ENPP1: variants seen among roughly 807,000 people sequenced by gnomAD.
The protein encoded by ENPP1 is ectonucleotide pyrophosphatase/phosphodiesterase family member 1.
In ENPP1, 73 loss-of-function variants were observed where a neutral mutation model predicts 122.8. The observed-to-expected ratio is 0.59, with a 90% confidence interval of 0.49 to 0.72. The LOEUF (loss-of-function observed/expected upper bound fraction) is 0.72. ENPP1 is among the 30% of genes least tolerant of loss of function. The pLI is 0.00. For missense variants in ENPP1, 978 were observed against 1,128.1 expected (o/e 0.87, Z 1.91); for synonymous variants, 367 against 391.6 (o/e 0.94, Z 0.74).
At chr6:131,864,352 A>G (rs1782061041) in intron 9 of ENPP1, among the ~76,000 whole-genome samples, 154 bp from the exon 10 acceptor site, 1 of 152,220 alleles carries the variant, frequency 6.6e-6, no homozygotes, top group African/African-American at 2.4e-5. Context: ...TTTCATTGGG[A>G]AAATAAAGTT....
chr6:131,832,776 C>T (rs1005489937), intron 1 of ENPP1, among the ~76,000 whole-genome samples: 5 of 152,132 alleles, frequency 3.3e-5, no homozygotes, highest in Admixed American at 3.3e-4. Flanking sequence ...TAGGGCCTCC[C>T]CATGTGGTCT....
At chr6:131,811,095 G>A (rs1176391938) in intron 1 of ENPP1, among the ~76,000 whole-genome samples, 1 of 151,946 alleles carries the variant, frequency 6.6e-6, no homozygotes, top group Admixed American at 6.6e-5. Context: ...GACTTCCACC[G>A]AGATGTGTTG....
At chr6:131,877,189 G>A (rs755930022) in intron 18 of ENPP1, 28 bp downstream of exon 18, 3 of 1,607,408 alleles carry the variant, frequency 1.9e-6, no homozygotes, top group South Asian at 1.1e-5. Flanking sequence ...GTTTGGTCCA[G>A]TATGTATGGT....
chr6:131,868,774 G>C (rs1024722381), intron 12 of ENPP1, among the ~76,000 whole-genome samples: 1 of 152,176 alleles, frequency 6.6e-6, no homozygotes, highest in East Asian at 1.9e-4. Flanking sequence ...TCTGACTTTA[G>C]AAGCATGATA....
chr6:131,877,639 TA>T (rs1782247349), intron 18 of ENPP1: 1 of 154,110 alleles, frequency 6.5e-6, no homozygotes, highest in African/African-American at 2.4e-5. Context: ...ACTTCCATGT[TA>T]ATATGTCATT....
intron 9 of ENPP1, 83 bp from the exon 10 acceptor site, chr6:131,864,423 A>C: frequency 1.1e-6 from 1 of 883,082 alleles, no homozygotes; most frequent in Non-Finnish European, 1.9e-6. Flanking sequence ...GTAGCTCTTA[A>C]TGACATTTTC....
chr6:131,886,505 T>A (rs1782378961), intron 23 of ENPP1, 57 bp from the exon 24 acceptor site: 1 of 1,285,156 alleles, frequency 7.8e-7, no homozygotes, highest in Non-Finnish European at 1.1e-6. Flanking sequence ...ACTGAAATAT[T>A]CATCAAAAGG....
In ENPP1 at chr6:131,893,940, T is replaced by C. The variant is rs2114740993; in HGVS notation, c.*3429T>C. 1 of 147,682 alleles carries C rather than the reference T, an allele frequency of 6.8e-6. No homozygotes were observed. Among genetic ancestry groups the C allele is most frequent in the South Asian group, 2.1e-4 (1 of 4,708 alleles). 9.1% of individuals were successfully genotyped at this position (147,682 alleles called of 1,614,324 possible). A position where few individuals can be genotyped will look rare whatever the true frequency, so the allele number is the denominator to read the frequency against. ...AAATGCAAAGTGAAACCTTTATTTA[T>C]CTTGATTTCTTTTTTTTTTTTTTTT... On this transcript the variant is annotated 3_prime_UTR_variant, in exon 25 of 25. Coordinates refer to ENST00000647893, the MANE Select transcript of ENPP1 (RefSeq NM_006208.3).
At chr6:131,840,358 A>G (rs1159439469) in intron 1 of ENPP1, among the ~76,000 whole-genome samples, 4 of 152,208 alleles carry the variant, frequency 2.6e-5, no homozygotes, top group Non-Finnish European at 2.9e-5. Context: ...CTAAAACAAA[A>G]AAAGGAAAAA....
intron 6 of ENPP1, among the ~76,000 whole-genome samples, chr6:131,855,653 A>G (rs1781936252): frequency 6.6e-6 from 1 of 152,188 alleles, no homozygotes; most frequent in Admixed American, 6.5e-5. Context: ...TATTTCAGAA[A>G]TAGAATTTCA....
chr6:131,808,287 G>A lies in ENPP1; in HGVS notation c.240+12G>A. 1 of 1,487,902 alleles carries A rather than the reference G, an allele frequency of 6.7e-7. No individual in the cohort carries two copies. The highest frequency in any genetic ancestry group is 2.2e-5 in the Admixed American group (1 of 45,646). 92.2% of individuals were successfully genotyped at this position (1,487,902 alleles called of 1,614,324 possible). On this transcript the variant is annotated intron_variant, in intron 1 of 24. Transcript: ENST00000647893. The stretch of plus-strand genomic sequence containing the variant: ...AAGTACTCTCGCTGGTAGGTCCGCG[G>A]CCAGGCCCCGGCGCCCGGGAGGGCT...
rs1782007239 is a variant in ENPP1 at position 131,860,466 on chromosome 6, G to A, written c.875G>A (p.Ser292Asn). The part of the protein sequence containing the change: ...PKMNASFSLK[S>N]KEKFNPEWYK... The stretch of plus-strand genomic sequence containing the variant: ...ATGAATGCTTCCTTTTCACTTAAAA[G>A]TAAAGAGAAATTTAATCCTGAGTGG... Residue 292 changes from serine (S) to asparagine (N), a missense_variant, in exon 8 of 25, where the codon AGT (serine) becomes AAT (asparagine). Around this residue, in one of 3 missense-constraint regions of ENPP1, gnomAD observed 644 missense variants for 781.5 expected, o/e 0.82. Coordinates refer to ENST00000647893, the MANE Select transcript of ENPP1 (RefSeq NM_006208.3). 1 of 1,599,572 alleles carries A rather than the reference G, an allele frequency of 6.3e-7. No individual in the cohort carries two copies. The highest frequency in any genetic ancestry group is 8.6e-7 in the Non-Finnish European group (1 of 1,167,526).
At chr6:131,868,238 GTTTC>G in intron 12 of ENPP1, 112 bp downstream of exon 12, 1 of 762,780 alleles carries the variant, frequency 1.3e-6, no homozygotes, top group Non-Finnish European at 2.3e-6. Context: ...TAAAAATGTA[GTTTC>G]TTATGGACAG....
Position 131,864,728 on chromosome 6 carries a change from A to C in ENPP1, c.1092-138A>C, listed in dbSNP as rs189903970. 4 of 809,120 alleles carry C rather than the reference A, an allele frequency of 4.9e-6. No individual in the cohort carries two copies. In the African/African-American group the frequency reaches 6.8e-5, roughly 14 times the overall value. The allele number at this position is 809,120 out of a possible 1,614,324, so 50.1% of individuals were successfully genotyped here. A position where few individuals can be genotyped will look rare whatever the true frequency, so the allele number is the denominator to read the frequency against. Reference sequence around the variant, plus strand: ...ATCATACCACATTTTGAAGAATTTCAAAGCTGTAAATTATTTCTCAGTAGA... The same window carrying C: ...ATCATACCACATTTTGAAGAATTTCCAAGCTGTAAATTATTTCTCAGTAGA... On this transcript the variant is annotated intron_variant, in intron 10 of 24. Transcript: ENST00000647893.
chr6:131,817,751 C>CCACA (rs1289636963), intron 1 of ENPP1, among the ~76,000 whole-genome samples: 3 of 54,000 alleles, frequency 5.6e-5, no homozygotes, highest in Admixed American at 3.5e-4. Flanking sequence ...TTCTCTCTCT[C>CCACA]CATACACACA....
chr6:131,868,783 T>C (rs961119066), intron 12 of ENPP1, among the ~76,000 whole-genome samples: 1 of 152,252 alleles, frequency 6.6e-6, no homozygotes, highest in African/African-American at 2.4e-5. Flanking sequence ...AGAAGCATGA[T>C]ATATTAATTT....
At chr6:131,863,643 G>A (rs1371595399) in intron 9 of ENPP1, among the ~76,000 whole-genome samples, 2 of 151,798 alleles carry the variant, frequency 1.3e-5, no homozygotes, top group African/African-American at 4.8e-5. Flanking sequence ...GGCTGGGCGT[G>A]GTGGCTCACA....
intron 1 of ENPP1, among the ~76,000 whole-genome samples, chr6:131,837,369 T>C (rs1239265414): frequency 1.3e-5 from 2 of 151,684 alleles, no homozygotes; most frequent in Non-Finnish European, 2.9e-5. Flanking sequence ...CTACTAAAAA[T>C]ACAAAACTTA....
intron 1 of ENPP1, among the ~76,000 whole-genome samples, chr6:131,819,196 T>C (rs1781454323): frequency 6.6e-6 from 1 of 152,228 alleles, no homozygotes; most frequent in South Asian, 2.1e-4. Context: ...AAATTATGCA[T>C]TGGTATAATT....
Sources: gnomAD v4.1 joint callset for allele counts (sites outside exome capture counted in the v4.1 genomes callset) on GRCh38, gnomAD v4.1.1 for gene constraint, gnomAD v4.1.1 regional missense constraint, MANE v1.5 for transcripts, NCBI Gene and HGNC (gene_info 2026-07-23, HGNC 2026-07-21) for gene names.